Variants in EPAS1 observed in about 807,000 individuals in gnomAD.
The protein encoded by EPAS1 is endothelial PAS domain protein 1, also known as endothelial PAS domain-containing protein 1.
In EPAS1, 23 loss-of-function variants were observed where a neutral mutation model predicts 87.9. The observed-to-expected ratio is 0.26, with a 90% CI of 0.19 to 0.37. The LOEUF is 0.37. EPAS1 is among the 10% of genes least tolerant of loss of function. EPAS1 has a pLI of 1.00. For synonymous variants in EPAS1, 508 were observed against 444.3 expected, an observed-to-expected ratio of 1.14 and a Z score of -1.80; for missense variants, 1,138 against 1,120.7, an observed-to-expected ratio of 1.02 and a Z score of -0.22.
intron 15 of EPAS1, among the ~76,000 whole-genome samples, chr2:46,383,525 A>G (rs2103680354): frequency 6.6e-6 from 1 of 152,346 alleles, no homozygotes; most frequent in South Asian, 2.1e-4. Flanking sequence ...TGTGCTTCAG[A>G]GTCCAGGCTG....
At position 46,375,249 on chromosome 2, in the gene EPAS1, C is replaced by G. The variant is rs1684719767; in HGVS notation, c.887-441C>G. On this transcript the variant is annotated intron_variant, in intron 7 of 15. Transcript: ENST00000263734. The surrounding 1 kb of genome is among the most constrained non-coding windows in gnomAD (Gnocchi z 4.1). ...GCTTTCTCCAGGCTGCTTAGAAGTC[C>G]CCCCACCTGGAGTGCTTGACGGGAT... Among the ~76,000 whole-genome samples the G allele has an allele frequency of 1.7e-5, 2 of 117,602 alleles. No homozygotes were observed. The highest frequency in any genetic ancestry group is 6.9e-5 in the African/African-American group (2 of 28,810). The allele number at this position is 117,602 out of a possible 152,430, so 77.2% of individuals were successfully genotyped here.
At chr2:46,372,350 C>T (rs577155067) in intron 7 of EPAS1, among the ~76,000 whole-genome samples, 2 of 152,328 alleles carry the variant, frequency 1.3e-5, no homozygotes, top group African/African-American at 2.4e-5. Flanking sequence ...TCAAGTTTCA[C>T]TACAGACTGA....
rs569350360 is a variant in EPAS1, at chr2:46,330,458, C to T, written c.27-16415C>T. ...GTGTAGCTTATCTTTTAAAATAAGC[C>T]ATCCTGCAAAGAGCAGGGTTCCCAG... is the stretch of plus-strand genomic sequence containing the variant. On this transcript the variant is annotated intron_variant, in intron 1 of 15. Coordinates refer to ENST00000263734, the MANE Select transcript of EPAS1 (RefSeq NM_001430.5). Among the ~76,000 whole-genome samples the T allele has an allele frequency of 1.2e-3, 186 of 152,314 alleles. 1 individual carries two copies. The highest frequency in any genetic ancestry group is 4.2e-3 in the African/African-American group (176 of 41,562).
intron 1 of EPAS1, among the ~76,000 whole-genome samples, chr2:46,340,898 T>C (rs529363463): frequency 4.6e-5 from 7 of 152,106 alleles, no homozygotes; most frequent in Non-Finnish European, 8.8e-5. Context: ...AATTTCTAAC[T>C]TTTTTAGAGA....
intron 1 of EPAS1, among the ~76,000 whole-genome samples, chr2:46,314,564 C>G (rs1683275619): frequency 6.6e-6 from 1 of 152,240 alleles, no homozygotes; most frequent in African/African-American, 2.4e-5. Context: ...TCAGTTTCCC[C>G]ATCTTCACAA....
intron 9 of EPAS1, 37 bp downstream of exon 9, chr2:46,376,790 C>G (rs1007167289): frequency 1.9e-6 from 3 of 1,604,236 alleles, no homozygotes; most frequent in Non-Finnish European, 2.6e-6. Context: ...CCCTGGAACC[C>G]CGTTGGGGCT....
In EPAS1 at chr2:46,376,771, A is replaced by G. The variant is rs993293803; in HGVS notation, c.1249+18A>G. ...GGATTTCGGTGGGTGCTTCTTAGCT[A>G]AGCCAGGCCCCTGGAACCCCGTTGG... On this transcript the variant is annotated intron_variant, in intron 9 of 15. Coordinates refer to ENST00000263734, the MANE Select transcript of EPAS1 (RefSeq NM_001430.5). The G allele has an allele frequency of 6.2e-7, 1 of 1,611,540 alleles. No individual in the cohort carries two copies. Among genetic ancestry groups the G allele is most frequent in the Non-Finnish European group, 8.5e-7 (1 of 1,179,692 alleles).
rs1320540143 is a variant in EPAS1 at position 46,384,705 on chromosome 2, C to T, written c.*45C>T. ...CAGCACCTCTGCCGACGCCGTCCCA[C>T]CAGCTTCACTCTCTCCGTCTGTTTT... On this transcript the variant is annotated 3_prime_UTR_variant, in exon 16 of 16. Coordinates refer to ENST00000263734, the MANE Select transcript of EPAS1 (RefSeq NM_001430.5). 1.2e-6 allele frequency: 2 copies of T among 1,605,658 alleles called. No individual in the cohort carries two copies. The highest frequency in any genetic ancestry group is 1.3e-5 in the African/African-American group (1 of 74,788).
chr2:46,380,799 C>CCCCTGCCCCTCTCCGGAGT lies in EPAS1; in HGVS notation c.2045+96_2045+97insGGAGTCCCTGCCCCTCTCC. 1 of 1,593,682 alleles carries CCCCTGCCCCTCTCCGGAGT rather than the reference C, an allele frequency of 6.3e-7. No homozygotes were observed. The highest frequency in any genetic ancestry group is 8.5e-7 in the Non-Finnish European group (1 of 1,176,720). On this transcript the variant is annotated intron_variant, in intron 12 of 15. Transcript: ENST00000263734. The surrounding 1 kb of genome is among the most constrained non-coding windows in gnomAD (Gnocchi z 4.4). ...TAAGATAGCTGGACCCCCAGGGAGG[C>CCCCTGCCCCTCTCCGGAGT]CCCTGCCCCTCTCCCCAGCCATCTG...
At chr2:46,321,266 TG>T (rs1315103060) in intron 1 of EPAS1, among the ~76,000 whole-genome samples, 3 of 152,272 alleles carry the variant, frequency 2.0e-5, no homozygotes, top group Non-Finnish European at 4.4e-5. Context: ...CACTATATTT[TG>T]TTTATCTGGT....
rs144569318 is a variant in EPAS1 at position 46,310,126 on chromosome 2, G to C, written c.26+12189G>C. Among the ~76,000 whole-genome samples, 674 of 152,318 alleles carry C rather than the reference G, an allele frequency of 4.4e-3. 6 individuals carry two copies. The highest frequency in any genetic ancestry group is 0.015 in the African/African-American group (638 of 41,562). On this transcript the variant is annotated intron_variant, in intron 1 of 15. Coordinates refer to ENST00000263734, the MANE Select transcript of EPAS1 (RefSeq NM_001430.5). ...AAACGCCATGTCTGAGTCTCCTAGT[G>C]CATGGAGTGGGAGCTGGAAGAGGAC... is the stretch of plus-strand genomic sequence containing the variant.
chr2:46,378,423 C>T (rs921331333), intron 10 of EPAS1, among the ~76,000 whole-genome samples: 88 of 152,320 alleles, frequency 5.8e-4, no homozygotes, highest in African/African-American at 1.9e-3. Flanking sequence ...CAAGACAGGA[C>T]AACCTGTGAA....
chr2:46,326,548 GA>G (rs1194601384), intron 1 of EPAS1, among the ~76,000 whole-genome samples: 1 of 151,932 alleles, frequency 6.6e-6, no homozygotes, highest in Non-Finnish European at 1.5e-5. Flanking sequence ...CCTCCGTGGG[GA>G]AAAACAAGTA....
rs775448737 is a variant in EPAS1 at position 46,384,661 on chromosome 2, G to A, written c.*1G>A. 4.3e-6 allele frequency: 7 copies of A among 1,613,406 alleles called. No individual in the cohort carries two copies. The African/African-American group carries it at 9.3e-5, about 22-fold the overall frequency. ...CAGAGCCCTGGACCAGGCCACCTGA[G>A]CCAGGCCTTCTACCTGGGCAGCACC... On this transcript the variant is annotated 3_prime_UTR_variant, in exon 16 of 16. Transcript: ENST00000263734.
At chr2:46,324,626 G>T (rs575787276) in intron 1 of EPAS1, among the ~76,000 whole-genome samples, 20 of 152,332 alleles carry the variant, frequency 1.3e-4, no homozygotes, top group Non-Finnish European at 8.8e-5. Context: ...CTGGGGCAAG[G>T]CTGTGGCAGC....
intron 1 of EPAS1, among the ~76,000 whole-genome samples, chr2:46,329,531 AAC>A (rs1033428230): frequency 1.3e-5 from 2 of 152,288 alleles, no homozygotes; most frequent in South Asian, 4.1e-4. Flanking sequence ...TTTCTATTAA[AAC>A]ACACACACGG....
Position 46,380,242 on chromosome 2 carries a change from C to G in EPAS1, c.1570C>G (p.Leu524Val), listed in dbSNP as rs1359681400. 6.2e-7 allele frequency: 1 copy of G among 1,612,306 alleles called. No individual in the cohort carries two copies. The highest frequency in any genetic ancestry group is 8.5e-7 in the Non-Finnish European group (1 of 1,180,002). ...CTCCCCTCAGACGGATTTCAATGAG[C>G]TGGACTTGGAGACACTGGCACCCTA... ...QCSTQTDFNE[L>V]DLETLAPYIP... The change falls in exon 12 of 16, where the codon CTG (leucine) becomes GTG (valine). Residue 524 changes from leucine to valine, a missense_variant. By Grantham distance (32) the Leu-to-Val change is conservative (BLOSUM62 1). Transcript: ENST00000263734. The surrounding 1 kb of genome is among the most constrained non-coding windows in gnomAD (Gnocchi z 4.4).
chr2:46,331,770 G>C (rs1683678844), intron 1 of EPAS1, among the ~76,000 whole-genome samples: 1 of 151,732 alleles, frequency 6.6e-6, no homozygotes, highest in South Asian at 2.1e-4. Flanking sequence ...ACTACTCAGG[G>C]AGAGCCACTG....
At chr2:46,315,030 C>A (rs571022330) in intron 1 of EPAS1, among the ~76,000 whole-genome samples, 2 of 152,182 alleles carry the variant, frequency 1.3e-5, no homozygotes, top group South Asian at 2.1e-4. Flanking sequence ...CACTGCACTC[C>A]CTCTGTGCCT....
Sources: gnomAD v4.1 joint callset for allele counts (sites outside exome capture counted in the v4.1 genomes callset) on GRCh38, gnomAD v4.1.1 for gene constraint, Gnocchi (gnomAD v3.1) non-coding constraint, MANE v1.5 for transcripts, NCBI Gene and HGNC (gene_info 2026-07-23, HGNC 2026-07-21) for gene names.